The following MTA2 variants were observed in gnomAD, a reference collection of about 807,000 sequenced individuals.
The protein encoded by MTA2 is metastasis associated 1 family member 2.
In MTA2, 22 loss-of-function variants were observed where a neutral mutation model predicts 87.1. That is an observed-to-expected ratio of 0.25 (90% CI 0.18 to 0.36). The LOEUF is 0.36. Ranked by LOEUF, MTA2 falls within the 10% of genes least tolerant of loss-of-function variation. The pLI is 1.00. For synonymous variants in MTA2, 314 were observed against 310.1 expected (o/e 1.01, Z -0.13); for missense variants, 542 against 853.2 (o/e 0.64, Z 4.54).
chr11:62,593,781 TCCTCACTCCCTTC>T lies in MTA2; in HGVS notation c.*81_*93del, dbSNP rs1942056679. The T allele has an allele frequency of 6.7e-7, 1 of 1,491,222 alleles. No individual in the cohort carries two copies. The highest frequency in any genetic ancestry group is 2.3e-5 in the East Asian group (1 of 42,570). 92.4% of individuals were successfully genotyped at this position (1,491,222 alleles called of 1,614,324 possible). A position where few individuals can be genotyped will look rare whatever the true frequency, so the allele number is the denominator to read the frequency against. On this transcript the variant is annotated 3_prime_UTR_variant, in exon 18 of 18. Coordinates refer to ENST00000278823, the MANE Select transcript of MTA2 (RefSeq NM_004739.4). ...TCACTTGCTCTCTTCCTTAATTCACTCCTCACTCCCTTCGACACGAAAGGGAAGGGAGGTTTGG... is the reference window on the plus strand; with the variant it reads ...TCACTTGCTCTCTTCCTTAATTCACTGACACGAAAGGGAAGGGAGGTTTGG...
chr11:62,597,490 G>A, intron 7 of MTA2, 75 bp from the exon 8 acceptor site: 1 of 1,521,112 alleles, frequency 6.6e-7, no homozygotes, highest in Non-Finnish European at 9.0e-7. Flanking sequence ...TAAGCCAAAG[G>A]AGAAAGAAGG....
intron 3 of MTA2, 94 bp from the exon 4 acceptor site, chr11:62,598,733 G>T: frequency 1.7e-6 from 2 of 1,196,576 alleles, no homozygotes; most frequent in Non-Finnish European, 2.4e-6. Flanking sequence ...TTCCTATCTT[G>T]GCTGTTTTTT....
chr11:62,596,923 C>T (rs1942106401), intron 8 of MTA2, 98 bp from the exon 9 acceptor site: 3 of 1,234,334 alleles, frequency 2.4e-6, no homozygotes, highest in Non-Finnish European at 3.4e-6. Context: ...GGCGCGGTGG[C>T]TCACACCCAT....
intron 5 of MTA2, 49 bp downstream of exon 5, chr11:62,598,278 G>A: frequency 6.3e-7 from 1 of 1,594,072 alleles, no homozygotes; most frequent in Non-Finnish European, 8.6e-7. Flanking sequence ...CCTCTCTTTT[G>A]CGGGCAATAC....
chr11:62,600,361 G>A (rs1228898219), intron 2 of MTA2, 102 bp from the exon 3 acceptor site: 22 of 1,066,882 alleles, frequency 2.1e-5, no homozygotes, highest in Non-Finnish European at 2.5e-5. Context: ...AGTTTCAGAG[G>A]GACCTAAATT....
In MTA2 at chr11:62,600,225, C is replaced by G; in HGVS notation, c.131G>C (p.Cys44Ser). ...AGAAATGTCCCTGCGCCGGAAAAGA[C>G]AGACAACCTTTGCCTCCACATTTCC... ...ANGNVEAKVV[C>S]LFRRRDISSS... The change falls in exon 3 of 18, where the codon TGT (cysteine) becomes TCT (serine). Residue 44 changes from cysteine (C) to serine (S), a missense_variant. This residue lies in a region of MTA2 where 150 missense variants were observed against 243.9 expected (regional missense o/e 0.62). Coordinates refer to ENST00000278823, the MANE Select transcript of MTA2 (RefSeq NM_004739.4). The G allele has an allele frequency of 6.2e-7, 1 of 1,614,188 alleles. No homozygotes were observed. Among genetic ancestry groups the G allele is most frequent in the African/African-American group, 1.3e-5 (1 of 75,026 alleles).
rs1942077209 is a variant in MTA2 at position 62,594,898 on chromosome 11, G to A, written c.1573+83C>T. On this transcript the variant is annotated intron_variant, in intron 15 of 17. Transcript: ENST00000278823. ...ACTAAATCTCTGAGGACACTATGAGGAAGAAAAAAAGCAAGGGGAGAGATG... is the reference window on the plus strand; with the variant it reads ...ACTAAATCTCTGAGGACACTATGAGAAAGAAAAAAAGCAAGGGGAGAGATG... 4 of 1,275,510 alleles carry A rather than the reference G, an allele frequency of 3.1e-6. No individual in the cohort carries two copies. In the Admixed American group the frequency reaches 6.1e-5, roughly 20 times the overall value. 79.0% of individuals were successfully genotyped at this position (1,275,510 alleles called of 1,614,324 possible). A position where few individuals can be genotyped will look rare whatever the true frequency, so the allele number is the denominator to read the frequency against.
At position 62,595,672 on chromosome 11, in the gene MTA2, T is replaced by C. The variant is rs1341786919; in HGVS notation, c.1254+80A>G. 3.9e-5 allele frequency: 62 copies of C among 1,577,036 alleles called. No homozygotes were observed. The highest frequency in any genetic ancestry group is 4.5e-5 in the East Asian group (2 of 44,618). ...CATCAAACCATCACCATATAAAGAG[T>C]TGAATATTCTGGCCTTCACCTAAGC... On this transcript the variant is annotated intron_variant, in intron 13 of 17. Coordinates refer to ENST00000278823, the MANE Select transcript of MTA2 (RefSeq NM_004739.4). The surrounding 1 kb of genome is among the most constrained non-coding windows in gnomAD (Gnocchi z 4.9).
intron 6 of MTA2, 107 bp downstream of exon 6, chr11:62,597,917 A>G: frequency 4.6e-6 from 5 of 1,096,098 alleles, no homozygotes; most frequent in Non-Finnish European, 6.9e-6. Flanking sequence ...CCCTGCAGAC[A>G]GTGCACTGCA....
chr11:62,598,019 C>T lies in MTA2; in HGVS notation c.490+5G>A. The T allele has an allele frequency of 1.9e-6, 3 of 1,611,138 alleles. No individual in the cohort carries two copies. Among genetic ancestry groups the T allele is most frequent in the Non-Finnish European group, 2.5e-6 (3 of 1,177,364 alleles). On this transcript the variant is annotated splice_donor_5th_base_variant and intron_variant, in intron 6 of 17. Coordinates refer to ENST00000278823, the MANE Select transcript of MTA2 (RefSeq NM_004739.4). ...GTAGCCGTACAGTCTTGTCCTGTTG[C>T]TTACCCTCTACTAGGCGATCTGGGA...
At chr11:62,601,340 C>A in intron 1 of MTA2, 83 bp downstream of exon 1, 1 of 1,532,862 alleles carries the variant, frequency 6.5e-7, no homozygotes, top group Non-Finnish European at 8.9e-7. Context: ...CGCTGCGCCT[C>A]GCGCCACCCG....
At chr11:62,597,860 C>T in intron 6 of MTA2, 148 bp from the exon 7 acceptor site, 3 of 1,029,106 alleles carry the variant, frequency 2.9e-6, no homozygotes, top group East Asian at 4.8e-5. Context: ...CCCATTTTCC[C>T]TTTTCAGGTT....
intron 2 of MTA2, 50 bp downstream of exon 2, chr11:62,600,572 T>C: frequency 2.6e-6 from 4 of 1,545,294 alleles, no homozygotes; most frequent in Non-Finnish European, 3.6e-6. Context: ...GTTAGAAACC[T>C]CAGAAGAGAC....
intron 1 of MTA2, chr11:62,601,178 A>C: frequency 1.1e-5 from 6 of 525,382 alleles, no homozygotes; most frequent in Admixed American, 3.8e-5. Context: ...TGCCCCGGGG[A>C]GCCCCTGACG....
intron 4 of MTA2, 33 bp from the exon 5 acceptor site, chr11:62,598,423 C>G: frequency 2.5e-6 from 4 of 1,609,120 alleles, no homozygotes; most frequent in Non-Finnish European, 3.4e-6. Flanking sequence ...CCCCGGTGAG[C>G]CCCACTCTCC....
In MTA2 at chr11:62,593,680, C is replaced by G; in HGVS notation, c.*195G>C. The G allele has an allele frequency of 3.1e-6, 2 of 637,460 alleles. No homozygotes were observed. Among genetic ancestry groups the G allele is most frequent in the East Asian group, 5.9e-5 (2 of 33,646 alleles). 39.5% of individuals were successfully genotyped at this position (637,460 alleles called of 1,614,324 possible). A position where few individuals can be genotyped will look rare whatever the true frequency, so the allele number is the denominator to read the frequency against. On this transcript the variant is annotated 3_prime_UTR_variant, in exon 18 of 18. Transcript: ENST00000278823. ...CAAGTTCCTGCAGTCTGTCCTCCAT[C>G]GGCAAGCATGGAGGCATGAGACAAG...
chr11:62,601,780 C>A lies in MTA2; in HGVS notation c.-330G>T, dbSNP rs983959522. ...AGTCCCACTAGTCGTTGGGCTCTGC[C>A]GGCCGCAGGGAAGGCTTGCCGGGCC... On this transcript the variant is annotated 5_prime_UTR_variant, in exon 1 of 18. Coordinates refer to ENST00000278823, the MANE Select transcript of MTA2 (RefSeq NM_004739.4). 2 of 505,712 alleles carry A rather than the reference C, an allele frequency of 4.0e-6. No individual in the cohort carries two copies. Among genetic ancestry groups the A allele is most frequent in the South Asian group, 3.1e-5 (1 of 32,378 alleles). 31.3% of individuals were successfully genotyped at this position (505,712 alleles called of 1,614,324 possible).
chr11:62,593,756 T>A lies in MTA2; in HGVS notation c.*119A>T. ...GCCCAACCCCTCCAGGGACACACAC[T>A]CACTTGCTCTCTTCCTTAATTCACT... On this transcript the variant is annotated 3_prime_UTR_variant, in exon 18 of 18. Coordinates refer to ENST00000278823, the MANE Select transcript of MTA2 (RefSeq NM_004739.4). 2 of 1,294,932 alleles carry A rather than the reference T, an allele frequency of 1.5e-6. No individual in the cohort carries two copies. The highest frequency in any genetic ancestry group is 1.1e-6 in the Non-Finnish European group (1 of 938,226). The allele number at this position is 1,294,932 out of a possible 1,614,324, so 80.2% of individuals were successfully genotyped here. A position where few individuals can be genotyped will look rare whatever the true frequency, so the allele number is the denominator to read the frequency against.
Position 62,601,546 on chromosome 11 carries a change from C to A in MTA2, c.-96G>T. 1 of 1,441,924 alleles carries A rather than the reference C, an allele frequency of 6.9e-7. No homozygotes were observed. Among genetic ancestry groups the A allele is most frequent in the Non-Finnish European group, 9.3e-7 (1 of 1,074,476 alleles). The allele number at this position is 1,441,924 out of a possible 1,614,324, so 89.3% of individuals were successfully genotyped here. ...AGGCAAAGCCCCGAACGGTGGGCTG[C>A]CGCTTCGAGGGAGTCTCACTGGGGC... On this transcript the variant is annotated 5_prime_UTR_variant, in exon 1 of 18. Transcript: ENST00000278823.
Sources: gnomAD v4.1 joint callset for allele counts on GRCh38, gnomAD v4.1.1 for gene constraint, gnomAD v4.1.1 regional missense constraint, Gnocchi (gnomAD v3.1) non-coding constraint, MANE v1.5 for transcripts, NCBI Gene and HGNC (gene_info 2026-07-23, HGNC 2026-07-21) for gene names.